Variants in CLDN18 observed in about 807,000 individuals in gnomAD.
CLDN18 encodes claudin-18.
Under a neutral mutation model 25.0 loss-of-function variants are expected in CLDN18, and 20 were observed. That is an observed-to-expected ratio of 0.80 (90% CI 0.56 to 1.16). The LOEUF is 1.16. Ranked by LOEUF, CLDN18 falls within the 50% of genes most tolerant of loss-of-function variation. The probability of loss-of-function intolerance (pLI) is 0.00; values close to 1 mark genes in which losing one functional copy is unlikely to be tolerated. For missense variants in CLDN18, 297 were observed against 345.4 expected, an observed-to-expected ratio of 0.86 and a Z score of 1.11; for synonymous variants, 125 against 135.6, an observed-to-expected ratio of 0.92 and a Z score of 0.54.
chr3:138,000,525 T>C (rs1942004622), intron 1 of CLDN18, among the ~76,000 whole-genome samples: 1 of 151,520 alleles, frequency 6.6e-6, no homozygotes, highest in Admixed American at 6.5e-5. Context: ...ATTGAGAGGT[T>C]GGTTGTTTGG....
rs1290407081 is a variant in CLDN18, at chr3:138,031,902, T to C, written c.*761T>C. 1.3e-5 allele frequency: 2 copies of C among 152,176 alleles called. No individual in the cohort carries two copies. Among genetic ancestry groups the C allele is most frequent in the Admixed American group, 1.3e-4 (2 of 15,282 alleles). The allele number at this position is 152,176 out of a possible 1,614,324, so 9.4% of individuals were successfully genotyped here. ...ATTTAAGTCCTAAATATAGTTAAAATAAATAATGTTTTAGTAAAATGATAC... is the reference window on the plus strand; with the variant it reads ...ATTTAAGTCCTAAATATAGTTAAAACAAATAATGTTTTAGTAAAATGATAC... On this transcript the variant is annotated 3_prime_UTR_variant, in exon 5 of 5. Coordinates refer to ENST00000183605, the MANE Select transcript of CLDN18 (RefSeq NM_016369.4).
intron 1 of CLDN18, chr3:137,999,190 GA>G (rs979874606): frequency 1.9e-6 from 2 of 1,048,034 alleles, no homozygotes; most frequent in Admixed American, 1.9e-5. Context: ...GGGGAGGGAG[GA>G]ACTGCGATTC....
intron 1 of CLDN18, among the ~76,000 whole-genome samples, chr3:138,017,578 G>A (rs1942221033): frequency 6.6e-6 from 1 of 152,080 alleles, no homozygotes; most frequent in South Asian, 2.1e-4. Context: ...ATTTTTAAAG[G>A]AGCTTGTCTG....
upstream of CLDN18, among the ~76,000 whole-genome samples, chr3:138,005,418 G>A (rs1386366828): frequency 6.6e-6 from 1 of 151,462 alleles, no homozygotes; most frequent in African/African-American, 2.4e-5. Context: ...GCCCAGGTGT[G>A]TGATGTTCCC....
intron 1 of CLDN18, among the ~76,000 whole-genome samples, chr3:138,018,587 C>G (rs1278437668): frequency 6.6e-6 from 1 of 152,056 alleles, no homozygotes; most frequent in East Asian, 1.9e-4. Flanking sequence ...CCGCCCGCCT[C>G]GGCCTCCCAA....
chr3:138,029,800 C>A lies in CLDN18; in HGVS notation c.507C>A (p.Tyr169Ter). 1 of 1,558,110 alleles carries A rather than the reference C, an allele frequency of 6.4e-7. No homozygotes were observed. Among genetic ancestry groups the A allele is most frequent in the Admixed American group, 2.0e-5 (1 of 50,134 alleles). The change falls in exon 4 of 5, where the codon TAC (tyrosine) becomes TAA (stop). Residue 169 changes from tyrosine (Y) to a stop codon, truncating the protein, a stop_gained. Transcript: ENST00000183605. LOFTEE classifies it high-confidence loss of function. Reference sequence around the variant, plus strand: ...CAGCCACCATCTCCCTACCCAGGTACACATTTGGTGCGGCTCTGTTCGTGG... The same window carrying A: ...CAGCCACCATCTCCCTACCCAGGTAAACATTTGGTGCGGCTCTGTTCGTGG... ...GGMVQTVQTR[Y>*]TFGAALFVGW...
chr3:138,022,084 T>C (rs1942277290), intron 1 of CLDN18, among the ~76,000 whole-genome samples: 1 of 152,186 alleles, frequency 6.6e-6, no homozygotes, highest in Admixed American at 6.5e-5. Flanking sequence ...TACCTCACTG[T>C]TGGGTTTCAT....
rs191994036 is a variant in CLDN18, at chr3:138,019,996, C to T, written c.221-3662C>T. Among the ~76,000 whole-genome samples the T allele has an allele frequency of 2.8e-3, 424 of 152,286 alleles. 4 individuals carry two copies. Among genetic ancestry groups the T allele is most frequent in the Non-Finnish European group, 4.8e-3 (329 of 68,030 alleles). ...ACTCACCTGTTATCAGCTGATAAGCCTCTTGATCAGAATATCAAGTAAGAG... is the reference window on the plus strand; with the variant it reads ...ACTCACCTGTTATCAGCTGATAAGCTTCTTGATCAGAATATCAAGTAAGAG... On this transcript the variant is annotated intron_variant, in intron 1 of 4. Coordinates refer to ENST00000183605, the MANE Select transcript of CLDN18 (RefSeq NM_016369.4).
chr3:138,017,906 G>T (rs895251483), intron 1 of CLDN18, among the ~76,000 whole-genome samples: 1 of 152,210 alleles, frequency 6.6e-6, no homozygotes, highest in African/African-American at 2.4e-5. Flanking sequence ...AGGTAAATGA[G>T]GCTGCTTGCC....
intron 3 of CLDN18, among the ~76,000 whole-genome samples, 186 bp from the exon 4 acceptor site, chr3:138,029,611 C>T (rs1344226547): frequency 1.3e-5 from 2 of 152,116 alleles, no homozygotes; most frequent in African/African-American, 4.8e-5. Context: ...ACTTTAGTCC[C>T]AATTCTACTC....
At chr3:138,026,214 G>A (rs953748886) in intron 3 of CLDN18, among the ~76,000 whole-genome samples, 5 of 152,180 alleles carry the variant, frequency 3.3e-5, no homozygotes, top group Middle Eastern at 3.2e-3. Flanking sequence ...TGTTATTGCC[G>A]TGTTGTATGT....
At position 138,031,044 on chromosome 3, in the gene CLDN18, G is replaced by C. The variant is rs375252888; in HGVS notation, c.689G>C (p.Gly230Ala). 5.0e-6 allele frequency: 8 copies of C among 1,614,168 alleles called. No homozygotes were observed. Among genetic ancestry groups the C allele is most frequent in the East Asian group, 2.2e-5 (1 of 44,892 alleles). ...YKPGGFKAST[G>A]FGSNTKNKKI... Reference sequence around the variant, plus strand: ...CCTGGAGGCTTCAAGGCCAGCACTGGCTTTGGGTCCAACACCAAAAACAAG... The same window carrying C: ...CCTGGAGGCTTCAAGGCCAGCACTGCCTTTGGGTCCAACACCAAAAACAAG... The change falls in exon 5 of 5, where the codon GGC (glycine) becomes GCC (alanine). Residue 230 changes from glycine (G) to alanine (A), a missense_variant. Coordinates refer to ENST00000183605, the MANE Select transcript of CLDN18 (RefSeq NM_016369.4).
At chr3:138,029,980 CA>C (rs58607601) in intron 4 of CLDN18, 73 bp downstream of exon 4, 6,260 of 769,512 alleles carry the variant, frequency 8.1e-3, no homozygotes, top group Admixed American at 0.012. Flanking sequence ...AACTTGCAGC[CA>C]AAAAAAAAAT....
rs777363929 is a variant in CLDN18, at chr3:138,010,212, G to T, written c.-14G>T. On this transcript the variant is annotated 5_prime_UTR_variant, in exon 1 of 5. Coordinates refer to ENST00000183605, the MANE Select transcript of CLDN18 (RefSeq NM_016369.4). ...GGCAGCTTCTCGCAGGCGGCAGGGC[G>T]GGCGGCCAGGATCATGTCCACCACC... The T allele has an allele frequency of 1.9e-6, 3 of 1,608,992 alleles. No individual in the cohort carries two copies. The South Asian group carries it at 3.3e-5, about 18-fold the overall frequency.
At chr3:138,008,562 C>T (rs1942094057), upstream of CLDN18, among the ~76,000 whole-genome samples, 1 of 151,316 alleles carries the variant, frequency 6.6e-6, no homozygotes, top group Non-Finnish European at 1.5e-5. Flanking sequence ...AAGATTGCGC[C>T]ACTGCACTCC....
At chr3:138,027,468 T>G (rs1430656103) in intron 3 of CLDN18, among the ~76,000 whole-genome samples, 1 of 152,156 alleles carries the variant, frequency 6.6e-6, no homozygotes, top group Non-Finnish European at 1.5e-5. Context: ...GCATTAACAA[T>G]GAGAGTTTTG....
rs1402707438 is a variant in CLDN18 at position 138,000,564 on chromosome 3, T to C, written c.220+1476T>C. Reference sequence around the variant, plus strand: ...GTTGGTTGGTTGGTTGGTTTGGGATTGTGGTATTTCAAGGATATTAATCTG... The same window carrying C: ...GTTGGTTGGTTGGTTGGTTTGGGATCGTGGTATTTCAAGGATATTAATCTG... On this transcript the variant is annotated intron_variant, in intron 1 of 4. Coordinates refer to the CLDN18 transcript ENST00000343735. Among the ~76,000 whole-genome samples, 4 of 152,074 alleles carry C rather than the reference T, an allele frequency of 2.6e-5. No homozygotes were observed. The East Asian group carries it at 7.7e-4, about 29-fold the overall frequency.
At chr3:138,022,294 GGT>G (rs1429487511) in intron 1 of CLDN18, among the ~76,000 whole-genome samples, 2 of 152,146 alleles carry the variant, frequency 1.3e-5, no homozygotes, top group Non-Finnish European at 2.9e-5. Flanking sequence ...AAGGGCACCA[GGT>G]GTAAAGTCTG....
upstream of CLDN18, among the ~76,000 whole-genome samples, chr3:138,008,527 C>G (rs919119694): frequency 1.3e-5 from 2 of 151,944 alleles, no homozygotes; most frequent in African/African-American, 4.8e-5. Flanking sequence ...CGCTTGAACC[C>G]AGGAGGTGGA....
Sources: allele counts gnomAD v4.1 joint callset (sites outside exome capture counted in the v4.1 genomes callset), GRCh38; gene constraint gnomAD v4.1.1; transcripts MANE v1.5; gene names NCBI Gene and HGNC (gene_info 2026-07-23, HGNC 2026-07-21).